Variants in SLC13A1 observed in about 807,000 individuals in gnomAD.
The protein encoded by SLC13A1 is Na(+)/sulfate cotransporter.
In SLC13A1, 65 loss-of-function variants were observed where a neutral mutation model predicts 70.0. The observed-to-expected ratio is 0.93, with a 90% CI of 0.76 to 1.14. The LOEUF (loss-of-function observed/expected upper bound fraction) is 1.14, where lower values mean the gene tolerates loss of function less well. Ranked by LOEUF, SLC13A1 falls within the 50% of genes most tolerant of loss-of-function variation. The pLI is 0.00. For synonymous variants in SLC13A1, 275 were observed against 250.5 expected, an observed-to-expected ratio of 1.10 and a Z score of -0.92; for missense variants, 726 against 717.8, an observed-to-expected ratio of 1.01 and a Z score of -0.13.
intron 7 of SLC13A1, among the ~76,000 whole-genome samples, chr7:123,145,758 G>A (rs1794328951): frequency 6.6e-6 from 1 of 152,148 alleles, no homozygotes; most frequent in African/African-American, 2.4e-5. Context: ...GGAGGTCTGT[G>A]TAATATTGAT....
chr7:123,176,591 C>T (rs1204655658), intron 2 of SLC13A1, among the ~76,000 whole-genome samples: 2 of 152,172 alleles, frequency 1.3e-5, no homozygotes, highest in Non-Finnish European at 2.9e-5. Flanking sequence ...TATTACCTCA[C>T]ACCAACCTTG....
intron 2 of SLC13A1, among the ~76,000 whole-genome samples, chr7:123,173,776 T>C (rs867128503): frequency 6.7e-6 from 1 of 150,094 alleles, no homozygotes; most frequent in Non-Finnish European, 1.5e-5. Context: ...TGGTACACAG[T>C]AGAGAGCTTG....
chr7:123,180,572 G>T (rs1585390708), intron 2 of SLC13A1, among the ~76,000 whole-genome samples: 1 of 152,214 alleles, frequency 6.6e-6, no homozygotes, highest in Non-Finnish European at 1.5e-5. Flanking sequence ...GAAATGGCAG[G>T]TTTCTGGAAA....
intron 2 of SLC13A1, among the ~76,000 whole-genome samples, 160 bp from the exon 3 acceptor site, chr7:123,172,064 A>G (rs539453445): frequency 3.9e-4 from 60 of 152,338 alleles, no homozygotes; most frequent in Middle Eastern, 3.4e-3. Context: ...AAATTTAGAC[A>G]TGTTCTATAT....
At chr7:123,178,095 T>C (rs1390810587) in intron 2 of SLC13A1, among the ~76,000 whole-genome samples, 1 of 152,000 alleles carries the variant, frequency 6.6e-6, no homozygotes, top group African/African-American at 2.4e-5. Flanking sequence ...GAAATTTATA[T>C]TTAAATATTT....
At chr7:123,137,924 A>G (rs1265952365) in intron 7 of SLC13A1, among the ~76,000 whole-genome samples, 1 of 152,116 alleles carries the variant, frequency 6.6e-6, no homozygotes, top group Non-Finnish European at 1.5e-5. Flanking sequence ...AAACAATCCA[A>G]TTATACTCTT....
chr7:123,184,687 G>T (rs1260523936), intron 1 of SLC13A1, among the ~76,000 whole-genome samples: 1 of 151,870 alleles, frequency 6.6e-6, no homozygotes, highest in Non-Finnish European at 1.5e-5. Context: ...GTGTGTGTGT[G>T]TATACATACC....
chr7:123,156,703 G>A (rs1359823054), intron 6 of SLC13A1, among the ~76,000 whole-genome samples: 4 of 152,012 alleles, frequency 2.6e-5, no homozygotes, highest in African/African-American at 4.8e-5. Flanking sequence ...TTTATTAGAC[G>A]AAGCTCTGAT....
At chr7:123,189,691 T>C (rs1795935348) in intron 1 of SLC13A1, among the ~76,000 whole-genome samples, 1 of 152,076 alleles carries the variant, frequency 6.6e-6, no homozygotes, top group African/African-American at 2.4e-5. Context: ...TCTTCTATAA[T>C]GTTTTGTAGA....
intron 1 of SLC13A1, among the ~76,000 whole-genome samples, chr7:123,191,091 A>C (rs1244140862): frequency 6.6e-6 from 1 of 151,676 alleles, no homozygotes; most frequent in Non-Finnish European, 1.5e-5. Flanking sequence ...CTTCTTCTGC[A>C]CTCCTTGTTT....
rs763805946 is a variant in SLC13A1, at chr7:123,117,448, AGTATTTTTTT to A, written c.1650+13_1650+22del. On this transcript the variant is annotated intron_variant, in intron 14 of 14. Transcript: ENST00000194130. ...CACCAAGATGTGTATTGGATTTGAT[AGTATTTTTTT>A]CAGCTAACTCACCATGTCAATGACT... The A allele has an allele frequency of 1.7e-5, 27 of 1,602,440 alleles. No individual in the cohort carries two copies. Among genetic ancestry groups the A allele is most frequent in the Non-Finnish European group, 2.1e-5 (25 of 1,172,604 alleles).
rs1181032501 is a variant in SLC13A1 at position 123,168,694 on chromosome 7, T to C, written c.554-133A>G. 1.3e-5 allele frequency: 8 copies of C among 631,876 alleles called. No homozygotes were observed. The East Asian group carries it at 1.4e-4, about 11-fold the overall frequency. 39.1% of individuals were successfully genotyped at this position (631,876 alleles called of 1,614,324 possible). A position where few individuals can be genotyped will look rare whatever the true frequency, so the allele number is the denominator to read the frequency against. ...AATTCACTGTGTACTAACATAACAG[T>C]CATCTTATTTTATAAATACAAATAT... On this transcript the variant is annotated intron_variant, in intron 4 of 14. Coordinates refer to ENST00000194130, the MANE Select transcript of SLC13A1 (RefSeq NM_022444.4).
chr7:123,173,978 T>C (rs1795360653), intron 2 of SLC13A1, among the ~76,000 whole-genome samples: 1 of 151,648 alleles, frequency 6.6e-6, no homozygotes, highest in Admixed American at 6.6e-5. Context: ...CTGTTTTTTT[T>C]TTTTTTTTCT....
intron 6 of SLC13A1, among the ~76,000 whole-genome samples, chr7:123,150,409 A>G (rs1794515845): frequency 6.6e-6 from 1 of 152,134 alleles, no homozygotes; most frequent in South Asian, 2.1e-4. Flanking sequence ...AGATTTTCTC[A>G]GAAACCTTCC....
At chr7:123,119,767 C>T (rs1793310975) in intron 12 of SLC13A1, among the ~76,000 whole-genome samples, 1 of 142,848 alleles carries the variant, frequency 7.0e-6, no homozygotes, top group Non-Finnish European at 1.5e-5. Flanking sequence ...ATTCAGCTCT[C>T]TTACACCATC....
At position 123,183,797 on chromosome 7, in the gene SLC13A1, T is replaced by C. The variant is rs11768758; in HGVS notation, c.100-2696A>G. On this transcript the variant is annotated intron_variant, in intron 1 of 14. Transcript: ENST00000194130. ...AGACCTTCCCTTTCATCTTTAAATC[T>C]GGTTCCATACACTTGCTTCCAAGTA... 5.0e-3 allele frequency among the ~76,000 whole-genome samples: 756 copies of C among 152,292 alleles called. 3 individuals carry two copies. Among genetic ancestry groups the C allele is most frequent in the South Asian group, 9.1e-3 (44 of 4,826 alleles).
intron 1 of SLC13A1, among the ~76,000 whole-genome samples, chr7:123,193,561 A>G (rs1796071117): frequency 6.6e-6 from 1 of 152,200 alleles, no homozygotes; most frequent in Admixed American, 6.5e-5. Context: ...GAACAATGAC[A>G]TAAGGCAATC....
At chr7:123,161,773 CAA>C (rs776557829) in intron 6 of SLC13A1, among the ~76,000 whole-genome samples, 67 of 152,036 alleles carry the variant, frequency 4.4e-4, no homozygotes, top group Admixed American at 2.0e-4. Context: ...CAAAAGAAAA[CAA>C]GAGAATGATT....
chr7:123,170,941 TG>T (rs1795250464), intron 3 of SLC13A1, among the ~76,000 whole-genome samples: 1 of 148,416 alleles, frequency 6.7e-6, no homozygotes, highest in Non-Finnish European at 1.5e-5. Flanking sequence ...ATTGAAAATT[TG>T]TCTCGTCTGA....
Sources: gnomAD v4.1 joint callset for allele counts (sites outside exome capture counted in the v4.1 genomes callset) on GRCh38, gnomAD v4.1.1 for gene constraint, MANE v1.5 for transcripts, NCBI Gene and HGNC (gene_info 2026-07-23, HGNC 2026-07-21) for gene names.